HSP90AA1: variants seen among roughly 807,000 people sequenced by gnomAD.
HSP90AA1 encodes heat shock protein HSP 90-alpha.
In HSP90AA1, 18 loss-of-function variants were observed where a neutral mutation model predicts 73.3. The observed-to-expected ratio is 0.25, with a 90% CI of 0.17 to 0.36. The LOEUF (loss-of-function observed/expected upper bound fraction) is 0.36. Among genes scored for constraint, HSP90AA1 ranks in the 10% least tolerant of loss-of-function variants. HSP90AA1 has a pLI of 1.00. For missense variants in HSP90AA1, 704 were observed against 874.2 expected, an observed-to-expected ratio of 0.81 and a Z score of 2.45; for synonymous variants, 477 against 296.9, an observed-to-expected ratio of 1.61 and a Z score of -6.24.
intron 1 of HSP90AA1, among the ~76,000 whole-genome samples, chr14:102,113,549 C>T (rs2049668968): frequency 6.6e-6 from 1 of 150,952 alleles, no homozygotes; most frequent in Admixed American, 6.6e-5. Context: ...CCATGCCTGG[C>T]TAATTTTTGT....
At chr14:102,137,609 C>A (rs990117698) in intron 1 of HSP90AA1, among the ~76,000 whole-genome samples, 144 of 152,154 alleles carry the variant, frequency 9.5e-4, no homozygotes, top group Non-Finnish European at 8.8e-5. Context: ...AGGTGTGAGC[C>A]AACACGCCCA....
At chr14:102,091,586 A>G (rs904553481), upstream of HSP90AA1, among the ~76,000 whole-genome samples, 5 of 151,948 alleles carry the variant, frequency 3.3e-5, no homozygotes, top group African/African-American at 1.2e-4. Flanking sequence ...AGATTGCACC[A>G]CTGCACTCCA....
At chr14:102,128,639 A>AT in intron 1 of HSP90AA1, among the ~76,000 whole-genome samples, 1 of 150,764 alleles carries the variant, frequency 6.6e-6, no homozygotes, top group Admixed American at 6.6e-5. Context: ...GGAAAAAAAA[A>AT]AAAAAAAAAA....
intron 1 of HSP90AA1, among the ~76,000 whole-genome samples, chr14:102,123,418 AC>A (rs2049802929): frequency 6.6e-6 from 1 of 152,032 alleles, no homozygotes; most frequent in Non-Finnish European, 1.5e-5. Context: ...AAAAACAAAA[AC>A]AAAAAACCCT....
At chr14:102,125,095 G>A (rs943367514) in intron 1 of HSP90AA1, among the ~76,000 whole-genome samples, 2 of 152,108 alleles carry the variant, frequency 1.3e-5, no homozygotes, top group East Asian at 3.9e-4. Flanking sequence ...GGGTTCAAGC[G>A]ATCCTCCCAT....
rs1335898089 is a variant in HSP90AA1, at chr14:102,133,289, A to T, written c.155+5961T>A. 3.9e-5 allele frequency among the ~76,000 whole-genome samples: 6 copies of T among 152,236 alleles called. No homozygotes were observed. The East Asian group carries it at 1.2e-3, about 29-fold the overall frequency. On this transcript the variant is annotated intron_variant, in intron 1 of 11. Transcript: ENST00000334701. ...GAGCAAAACTCCATCACAAAACAAA[A>T]CAAAACAATAGAAGATAATTAACAC...
rs113508244 is a variant in HSP90AA1 at position 102,083,958 on chromosome 14, C to T, written c.1173G>A (p.Ser391=). The change falls in exon 7 of 11, where the codon TCG becomes TCA. Residue 391 remains serine, a synonymous_variant. Transcript: ENST00000216281. ...GGGATATGTTTAGAGGGAGATCCTC[C>T]GAGTCTACCACCCCTCTAATGAAGT... is the stretch of plus-strand genomic sequence containing the variant. ...YLNFIRGVVD[S]EDLPLNISRE... is the part of the protein sequence containing the mutation. The T allele has an allele frequency of 2.7e-5, 43 of 1,613,840 alleles. 1 individual carries two copies. Among genetic ancestry groups the T allele is most frequent in the African/African-American group, 1.5e-4 (11 of 74,908 alleles).
intron 2 of HSP90AA1, among the ~76,000 whole-genome samples, chr14:102,098,481 T>G (rs901126424): frequency 1.0e-4 from 9 of 88,156 alleles, no homozygotes; most frequent in Non-Finnish European, 2.1e-4. Flanking sequence ...TTTTTTTTTT[T>G]TGTGACAAAG....
intron 1 of HSP90AA1, among the ~76,000 whole-genome samples, chr14:102,107,223 T>C (rs1301123111): frequency 6.6e-6 from 1 of 152,032 alleles, no homozygotes. Context: ...GCCCCAACCC[T>C]GGCCTGCCGC....
chr14:102,083,440 T>C (rs960661911), intron 8 of HSP90AA1, 106 bp downstream of exon 8: 17 of 1,414,278 alleles, frequency 1.2e-5, no homozygotes, highest in Admixed American at 1.2e-4. Context: ...TTATCTTGCC[T>C]AGATCAATAC....
chr14:102,135,884 T>G (rs1212240), intron 1 of HSP90AA1, among the ~76,000 whole-genome samples: 125,596 of 152,234 alleles, frequency 0.83, 52,609 homozygotes, highest in East Asian at 0.97. Context: ...GTTCCCGCTC[T>G]CGCCTCTCCC....
chr14:102,103,221 A>ATTT (rs1244776166), intron 1 of HSP90AA1, among the ~76,000 whole-genome samples: 3 of 101,006 alleles, frequency 3.0e-5, no homozygotes, highest in African/African-American at 7.3e-5. Flanking sequence ...GTGGGAGTTG[A>ATTT]TTTTTTTTTT....
upstream of HSP90AA1, among the ~76,000 whole-genome samples, chr14:102,089,297 C>CCT (rs973193651): frequency 5.9e-5 from 9 of 152,214 alleles, no homozygotes; most frequent in African/African-American, 2.2e-4. Flanking sequence ...CTCCAAAGCC[C>CCT]CTCCCTGGGT....
exon 1 of HSP90AA1, chr14:102,139,311 C>G: frequency 6.2e-7 from 1 of 1,613,896 alleles, no homozygotes; most frequent in South Asian, 1.1e-5. Flanking sequence ...TCCAGACGGT[C>G]GCGCGGGTAT....
chr14:102,086,268 G>A lies in HSP90AA1; in HGVS notation c.111C>T (p.Phe37=), dbSNP rs776438922. ...AQLMSLIINT[F]YSNKEIFLRE... ...TCAGAAAGATCTCTTTGTTCGAGTA[G>A]AAAGTATTGATGATCAATGACATCA... Residue 37 remains phenylalanine (F), a synonymous_variant, in exon 2 of 11, where the codon TTC becomes TTT. Transcript: ENST00000216281. The A allele has an allele frequency of 7.4e-6, 12 of 1,613,996 alleles. No homozygotes were observed. The highest frequency in any genetic ancestry group is 2.2e-5 in the East Asian group (1 of 44,888).
chr14:102,127,872 C>G (rs563290369), intron 1 of HSP90AA1, among the ~76,000 whole-genome samples: 1 of 152,218 alleles, frequency 6.6e-6, no homozygotes, highest in African/African-American at 2.4e-5. Flanking sequence ...GTTGTGACCT[C>G]TTGGGCTCTA....
At position 102,105,731 on chromosome 14, in the gene HSP90AA1, T is replaced by C. The variant is rs780601540; in HGVS notation, c.156-3646A>G. ...TGTTTTAGGTAGATCTTCATGGCTG[T>C]GTTTGGATTTGAGGGTCACAAGTCT... On this transcript the variant is annotated intron_variant, in intron 1 of 11. Coordinates refer to the HSP90AA1 transcript ENST00000334701. Among the ~76,000 whole-genome samples, 69 of 152,192 alleles carry C rather than the reference T, an allele frequency of 4.5e-4. No individual in the cohort carries two copies. In the Middle Eastern group the frequency reaches 0.01, roughly 23 times the overall value.
chr14:102,105,756 T>G (rs75537590), intron 1 of HSP90AA1, among the ~76,000 whole-genome samples: 6,728 of 152,216 alleles, frequency 0.044, 189 homozygotes, highest in Middle Eastern at 0.065. Flanking sequence ...GTCACAAGTC[T>G]GGACACATGG....
chr14:102,085,238 G>C, intron 4 of HSP90AA1, 60 bp downstream of exon 4: 3 of 1,552,770 alleles, frequency 1.9e-6, no homozygotes, highest in Non-Finnish European at 2.7e-6. Context: ...TAAGGATGTA[G>C]TACAGTCACC....
Sources: gnomAD v4.1 joint callset for allele counts (sites outside exome capture counted in the v4.1 genomes callset) on GRCh38, gnomAD v4.1.1 for gene constraint, MANE v1.5 for transcripts, NCBI Gene and HGNC (gene_info 2026-07-23, HGNC 2026-07-21) for gene names.